Variants in EIF2AK2 observed in about 807,000 individuals in gnomAD.
EIF2AK2 encodes interferon-induced, double-stranded RNA-activated protein kinase.
EIF2AK2 carries 40 observed loss-of-function variants against 70.5 expected under a neutral mutation model. The observed-to-expected ratio is 0.57, with a 90% CI of 0.44 to 0.74. EIF2AK2 has a LOEUF of 0.74. EIF2AK2 is among the 30% of genes least tolerant of loss of function. The probability of loss-of-function intolerance (pLI) is 0.00; values close to 1 mark genes in which losing one functional copy is unlikely to be tolerated. For missense variants in EIF2AK2, 555 were observed against 644.3 expected (o/e 0.86, Z 1.50); for synonymous variants, 198 against 220.9 (o/e 0.90, Z 0.92).
At position 37,106,513 on chromosome 2, in the gene EIF2AK2, T is replaced by C. The variant is rs1673969265; in HGVS notation, c.*760A>G. On this transcript the variant is annotated 3_prime_UTR_variant, in exon 17 of 17. Transcript: ENST00000233057. ...GAATTGATAGCTATGTGGGTATACA[T>C]GGATTCAACTTTACTAGATAATGCC... The C allele has an allele frequency of 6.6e-6, 1 of 151,960 alleles. No homozygotes were observed. The highest frequency in any genetic ancestry group is 1.5e-5 in the Non-Finnish European group (1 of 68,018). The allele number at this position is 151,960 out of a possible 1,614,324, so 9.4% of individuals were successfully genotyped here. A position where few individuals can be genotyped will look rare whatever the true frequency, so the allele number is the denominator to read the frequency against.
chr2:37,146,111 T>C (rs913974481), intron 4 of EIF2AK2, among the ~76,000 whole-genome samples: 10 of 152,168 alleles, frequency 6.6e-5, no homozygotes, highest in African/African-American at 2.2e-4. Flanking sequence ...TATGTTTAGA[T>C]ACATGAATAC....
chr2:37,125,103 C>A (rs1674687238), intron 11 of EIF2AK2, among the ~76,000 whole-genome samples: 1 of 152,112 alleles, frequency 6.6e-6, no homozygotes, highest in Admixed American at 6.5e-5. Context: ...AGCTCCGCCT[C>A]CCGGGTTCAA....
chr2:37,150,956 GATATAAA>G (rs1206875451), intron 1 of EIF2AK2, among the ~76,000 whole-genome samples: 1 of 152,044 alleles, frequency 6.6e-6, no homozygotes, highest in Non-Finnish European at 1.5e-5. Context: ...AAATTTAGAG[GATATAAA>G]ATATAAATGT....
At chr2:37,116,620 C>G (rs549862343) in intron 13 of EIF2AK2, among the ~76,000 whole-genome samples, 1 of 152,250 alleles carries the variant, frequency 6.6e-6, no homozygotes, top group East Asian at 1.9e-4. Context: ...ACGGCTCATA[C>G]AGCAATTAGC....
intron 1 of EIF2AK2, among the ~76,000 whole-genome samples, chr2:37,152,182 T>A (rs1419663041): frequency 6.6e-6 from 1 of 152,242 alleles, no homozygotes; most frequent in Non-Finnish European, 1.5e-5. Context: ...TATATGAAAC[T>A]TCCAGAATCG....
chr2:37,147,705 T>A lies in EIF2AK2; in HGVS notation c.102A>T (p.Gly34=). Residue 34 remains glycine (G), a synonymous_variant, in exon 3 of 17, where the codon GGA becomes GGT. Coordinates refer to ENST00000233057, the MANE Select transcript of EIF2AK2 (RefSeq NM_001135651.3). The stretch of plus-strand genomic sequence containing the variant: ...CAACCTACCTCCTATCATGTGGAGG[T>A]CCTGAATTAGGCAGTTCTTGATATT... ...VLKYQELPNS[G]PPHDRRFTFQ... is the part of the protein sequence containing the mutation. 1 of 1,612,066 alleles carries A rather than the reference T, an allele frequency of 6.2e-7. No individual in the cohort carries two copies. The highest frequency in any genetic ancestry group is 8.5e-7 in the Non-Finnish European group (1 of 1,178,604).
At chr2:37,143,979 A>G (rs1675434066) in intron 4 of EIF2AK2, among the ~76,000 whole-genome samples, 1 of 152,224 alleles carries the variant, frequency 6.6e-6, no homozygotes, top group Admixed American at 6.5e-5. Flanking sequence ...TCTAAAGGAT[A>G]ATCATGTACT....
At chr2:37,113,467 C>G (rs1051897630) in intron 14 of EIF2AK2, among the ~76,000 whole-genome samples, 1 of 133,830 alleles carries the variant, frequency 7.5e-6, no homozygotes, top group African/African-American at 2.9e-5. Context: ...CATTGCACTC[C>G]AGCCTTGGTG....
intron 8 of EIF2AK2, among the ~76,000 whole-genome samples, 168 bp downstream of exon 8, chr2:37,138,102 C>T (rs1473344077): frequency 7.1e-6 from 1 of 140,296 alleles, no homozygotes; most frequent in Non-Finnish European, 1.5e-5. Context: ...GAGGGAGACT[C>T]CATCTCAAAA....
intron 13 of EIF2AK2, among the ~76,000 whole-genome samples, chr2:37,118,363 T>G (rs1209448567): frequency 1.3e-5 from 2 of 152,070 alleles, no homozygotes; most frequent in Non-Finnish European, 2.9e-5. Flanking sequence ...AGTCTGACCC[T>G]TGAGCAACTG....
At chr2:37,120,340 C>T (rs1327773738) in intron 12 of EIF2AK2, among the ~76,000 whole-genome samples, 1 of 150,678 alleles carries the variant, frequency 6.6e-6, no homozygotes, top group East Asian at 2.0e-4. Flanking sequence ...CCCGTCTCTA[C>T]TAAAAATACA....
intron 10 of EIF2AK2, among the ~76,000 whole-genome samples, chr2:37,132,128 A>G (rs1302175856): frequency 2.6e-5 from 4 of 152,178 alleles, no homozygotes; most frequent in African/African-American, 9.6e-5. Context: ...GAGGCTGACT[A>G]TTGGGCAAAA....
At chr2:37,150,667 A>T (rs1415450130) in intron 1 of EIF2AK2, among the ~76,000 whole-genome samples, 1 of 152,208 alleles carries the variant, frequency 6.6e-6, no homozygotes, top group African/African-American at 2.4e-5. Context: ...GTGGTAAACT[A>T]TTTTGGAAAT....
intron 11 of EIF2AK2, among the ~76,000 whole-genome samples, chr2:37,123,008 A>G (rs1269508764): frequency 6.6e-6 from 1 of 152,024 alleles, no homozygotes; most frequent in Non-Finnish European, 1.5e-5. Flanking sequence ...TCTACTAAAA[A>G]TACAAAAAAT....
intron 13 of EIF2AK2, among the ~76,000 whole-genome samples, chr2:37,118,155 A>C (rs1489245473): frequency 3.3e-5 from 5 of 151,456 alleles, no homozygotes; most frequent in African/African-American, 4.9e-5. Flanking sequence ...CAAAAAAAAA[A>C]CACACAAAAA....
Position 37,114,867 on chromosome 2 carries a change from A to C in EIF2AK2, c.1249-8T>G, listed in dbSNP as rs1380764231. On this transcript the variant is annotated splice_region_variant and splice_polypyrimidine_tract_variant and intron_variant, in intron 13 of 16. Transcript: ENST00000233057. ...TAAGAATATATTACTTGGCTATGAA[A>C]AAAAAAAATTTAACTTACATGTACC... 1.3e-6 allele frequency: 2 copies of C among 1,539,788 alleles called. No homozygotes were observed. The highest frequency in any genetic ancestry group is 1.7e-6 in the Non-Finnish European group (2 of 1,143,712).
At position 37,103,316 on chromosome 2, in the gene EIF2AK2, CT is replaced by C. The variant is rs1407040642; in HGVS notation, c.*3956del. On this transcript the variant is annotated 3_prime_UTR_variant, in exon 17 of 17. Coordinates refer to ENST00000233057, the MANE Select transcript of EIF2AK2 (RefSeq NM_001135651.3). ...GTTCAAGCGATTCTCCTGCCACGGA[CT>C]CCCGAGTAGCTGGGATTACAGGCGC... is the stretch of plus-strand genomic sequence containing the variant. The C allele has an allele frequency of 1.3e-5, 2 of 152,208 alleles. No homozygotes were observed. The highest frequency in any genetic ancestry group is 2.9e-5 in the Non-Finnish European group (2 of 68,228). 9.4% of individuals were successfully genotyped at this position (152,208 alleles called of 1,614,324 possible).
chr2:37,148,907 A>G lies in EIF2AK2; in HGVS notation c.-67T>C. On this transcript the variant is annotated 5_prime_UTR_variant, in exon 2 of 17. Coordinates refer to ENST00000233057, the MANE Select transcript of EIF2AK2 (RefSeq NM_001135651.3). ...CACGCAGATAATCACGGAAGTGTGG[A>G]TGTTGATTCTGAAGACCGCCAGAGA... 2 of 825,912 alleles carry G rather than the reference A, an allele frequency of 2.4e-6. No homozygotes were observed. The highest frequency in any genetic ancestry group is 2.7e-5 in the South Asian group (2 of 74,972). 51.2% of individuals were successfully genotyped at this position (825,912 alleles called of 1,614,324 possible). A position where few individuals can be genotyped will look rare whatever the true frequency, so the allele number is the denominator to read the frequency against.
At position 37,114,850 on chromosome 2, in the gene EIF2AK2, T is replaced by A; in HGVS notation, c.1258A>T (p.Ile420Leu). ...ACTTGTTTTGTATCTACTAAGAATA[T>A]ATTACTTGGCTATGAAAAAAAAAAA... ...LIHRDLKPSN[I>L]FLVDTKQVKI... Residue 420 changes from isoleucine (I) to leucine (L), a missense_variant, in exon 14 of 17, where the codon ATA becomes TTA. Ile to Leu is a conservative substitution (Grantham distance 5). Coordinates refer to ENST00000233057, the MANE Select transcript of EIF2AK2 (RefSeq NM_001135651.3). 6.4e-7 allele frequency: 1 copy of A among 1,569,768 alleles called. No homozygotes were observed. The highest frequency in any genetic ancestry group is 8.6e-7 in the Non-Finnish European group (1 of 1,162,104).
Sources: gnomAD v4.1 joint callset for allele counts (sites outside exome capture counted in the v4.1 genomes callset) on GRCh38, gnomAD v4.1.1 for gene constraint, MANE v1.5 for transcripts, NCBI Gene and HGNC (gene_info 2026-07-23, HGNC 2026-07-21) for gene names.